Variants in TLE4 observed in about 807,000 individuals in gnomAD.
TLE4 encodes transducin-like enhancer protein 4.
TLE4 carries 8 observed loss-of-function variants against 92.8 expected under a neutral mutation model. The ratio of observed to expected loss-of-function variants is 0.09; its 90% CI spans 0.05 to 0.16. The LOEUF (loss-of-function observed/expected upper bound fraction) is 0.16, where lower values mean the gene tolerates loss of function less well. TLE4 is among the 10% of genes least tolerant of loss of function. The pLI, the probability that TLE4 is intolerant of heterozygous loss-of-function variation, is 1.00. For missense variants in TLE4, 675 were observed against 997.6 expected (o/e 0.68, Z 4.36); for synonymous variants, 371 against 374.1 (o/e 0.99, Z 0.10).
intron 8 of TLE4, among the ~76,000 whole-genome samples, chr9:79,703,417 T>G (rs1481340529): frequency 2.0e-5 from 3 of 152,194 alleles, no homozygotes; most frequent in African/African-American, 4.8e-5. Context: ...TTTTCTTTGG[T>G]CTGTCTGAAG....
At chr9:79,682,174 A>T (rs935392848) in intron 8 of TLE4, among the ~76,000 whole-genome samples, 2 of 152,162 alleles carry the variant, frequency 1.3e-5, no homozygotes, top group Non-Finnish European at 2.9e-5. Flanking sequence ...AAGATCAGGC[A>T]GGCCCACAGT....
chr9:79,625,296 G>A (rs547078611), intron 5 of TLE4, among the ~76,000 whole-genome samples: 5 of 152,084 alleles, frequency 3.3e-5, no homozygotes, highest in Non-Finnish European at 5.9e-5. Context: ...TGGGATTACA[G>A]GCGTGAGCCA....
At chr9:79,618,946 C>T (rs1314208622) in intron 5 of TLE4, among the ~76,000 whole-genome samples, 1 of 152,038 alleles carries the variant, frequency 6.6e-6, no homozygotes, top group Non-Finnish European at 1.5e-5. Context: ...AAAATGGAAA[C>T]CTTCCATTTT....
rs1261062691 is a variant in TLE4, at chr9:79,726,827, C to A, written c.*1683C>A. The A allele has an allele frequency of 6.6e-6, 1 of 152,318 alleles. No homozygotes were observed. The highest frequency in any genetic ancestry group is 2.4e-5 in the African/African-American group (1 of 41,354). The allele number at this position is 152,318 out of a possible 1,614,324, so 9.4% of individuals were successfully genotyped here. ...TGCCACTCCTATATATTAAAAATGC[C>A]TAGTTTTTTCAAGGGAGATTGTTGT... is the stretch of plus-strand genomic sequence containing the variant. On this transcript the variant is annotated 3_prime_UTR_variant, in exon 20 of 20. Transcript: ENST00000376552.
chr9:79,579,625 A>G (rs896155527), intron 4 of TLE4, among the ~76,000 whole-genome samples: 3 of 151,982 alleles, frequency 2.0e-5, no homozygotes, highest in African/African-American at 7.3e-5. Flanking sequence ...CTGCACATTT[A>G]TGTATGTTTT....
chr9:79,646,064 C>T (rs982830859), intron 6 of TLE4, among the ~76,000 whole-genome samples: 2 of 151,548 alleles, frequency 1.3e-5, no homozygotes, highest in African/African-American at 4.9e-5. Context: ...TGTTTTTCTT[C>T]TAAAGCCTAT....
At chr9:79,690,779 C>CGCT (rs2066893971) in intron 8 of TLE4, among the ~76,000 whole-genome samples, 116 of 54,132 alleles carry the variant, frequency 2.1e-3, no homozygotes, top group Middle Eastern at 0.014. Context: ...CCACTCCTGG[C>CGCT]TTTTTTTTTT....
intron 8 of TLE4, among the ~76,000 whole-genome samples, chr9:79,666,735 G>GA (rs1224787249): frequency 2.0e-5 from 3 of 152,106 alleles, no homozygotes; most frequent in Non-Finnish European, 4.4e-5. Flanking sequence ...ATGTTTAGGG[G>GA]AAAAAAATGC....
chr9:79,623,722 T>A (rs1167576730), intron 5 of TLE4, among the ~76,000 whole-genome samples: 1 of 145,846 alleles, frequency 6.9e-6, no homozygotes, highest in Non-Finnish European at 1.5e-5. Context: ...TTTTTTAGAA[T>A]TTTTTTAAAA....
At chr9:79,696,455 A>G (rs1248527001) in intron 8 of TLE4, among the ~76,000 whole-genome samples, 1 of 152,124 alleles carries the variant, frequency 6.6e-6, no homozygotes, top group African/African-American at 2.4e-5. Flanking sequence ...CTGATTAGCG[A>G]CCTTAAAACT....
chr9:79,689,851 A>G (rs1308088894), intron 8 of TLE4, among the ~76,000 whole-genome samples: 2 of 152,192 alleles, frequency 1.3e-5, no homozygotes, highest in Non-Finnish European at 2.9e-5. Context: ...GAGGTTGTCA[A>G]CTTTAGAATC....
intron 8 of TLE4, among the ~76,000 whole-genome samples, 174 bp downstream of exon 8, chr9:79,654,249 A>T (rs976586999): frequency 1.4e-5 from 2 of 143,424 alleles, no homozygotes; most frequent in Admixed American, 6.9e-5. Flanking sequence ...TTTTTTTTTT[A>T]AAGGTCCCAT....
At chr9:79,694,825 A>G (rs958599822) in intron 8 of TLE4, among the ~76,000 whole-genome samples, 6 of 151,330 alleles carry the variant, frequency 4.0e-5, no homozygotes, top group Admixed American at 3.3e-4. Context: ...TCCTTTTACC[A>G]CATACCTCCT....
intron 19 of TLE4, among the ~76,000 whole-genome samples, chr9:79,724,579 G>A (rs1274900435): frequency 1.3e-5 from 2 of 151,978 alleles, no homozygotes; most frequent in African/African-American, 4.8e-5. Context: ...GGTGGCTCAT[G>A]CCTGTAATCT....
chr9:79,628,873 A>AGTGTGTGTGTGT (rs34212290), intron 6 of TLE4, among the ~76,000 whole-genome samples: 64 of 148,098 alleles, frequency 4.3e-4, no homozygotes, highest in African/African-American at 1.5e-3. Context: ...TTTAAAGTTA[A>AGTGTGTGTGTGT]GTGTGTGTGT....
In TLE4 at chr9:79,576,136, T is replaced by A; in HGVS notation, c.211T>A (p.Tyr71Asn). The change falls in exon 4 of 20, where the codon TAT becomes AAT. Residue 71 changes from tyrosine (Y) to asparagine (N), a missense_variant. Tyr to Asn is a moderately radical substitution (Grantham distance 143). Coordinates refer to ENST00000376552, the MANE Select transcript of TLE4 (RefSeq NM_007005.6). ...TEMQRHYVMY[Y>N]EMSYGLNIEM... is the part of the protein sequence containing the mutation. Reference sequence around the variant, plus strand: ...ATTGCTTTTCCTTCTTTGACAGTATTATGAAATGTCCTATGGGTTGAATAT... The same window carrying A: ...ATTGCTTTTCCTTCTTTGACAGTATAATGAAATGTCCTATGGGTTGAATAT... The A allele has an allele frequency of 6.6e-7, 1 of 1,506,300 alleles. No individual in the cohort carries two copies. The highest frequency in any genetic ancestry group is 8.9e-7 in the Non-Finnish European group (1 of 1,119,542). The allele number at this position is 1,506,300 out of a possible 1,614,324, so 93.3% of individuals were successfully genotyped here.
chr9:79,681,842 GTGTGTGTGTGTGTGTGTGTGTA>G, intron 8 of TLE4, among the ~76,000 whole-genome samples: 1 of 140,230 alleles, frequency 7.1e-6, no homozygotes. Flanking sequence ...ATGTGTGTGT[GTGTGTGTGTGTGTGTGTGTGTA>G]TGTGTGTGTG....
At chr9:79,707,333 C>G (rs2071916308) in intron 11 of TLE4, 1 of 854,514 alleles carries the variant, frequency 1.2e-6, no homozygotes, top group African/African-American at 1.7e-5. Context: ...CTCTCATTTA[C>G]AAAAGTCTAT....
chr9:79,609,594 A>G (rs1232754262), intron 4 of TLE4, among the ~76,000 whole-genome samples: 1 of 152,114 alleles, frequency 6.6e-6, no homozygotes, highest in Non-Finnish European at 1.5e-5. Context: ...GTGTTTGACA[A>G]AGTGTGGCTG....
Sources: gnomAD v4.1 joint callset for allele counts (sites outside exome capture counted in the v4.1 genomes callset) on GRCh38, gnomAD v4.1.1 for gene constraint, MANE v1.5 for transcripts, NCBI Gene and HGNC (gene_info 2026-07-23, HGNC 2026-07-21) for gene names.